The following ZNF726 variants were observed in gnomAD, a reference collection of about 807,000 sequenced individuals.
ZNF726 encodes zinc finger protein 92 pseudogene 3.
In ZNF726, 15 loss-of-function variants were observed where a neutral mutation model predicts 11.6. The observed-to-expected ratio is 1.29, with a 90% confidence interval of 0.86 to 1.99. The LOEUF (loss-of-function observed/expected upper bound fraction) is 1.99, where lower values mean the gene tolerates loss of function less well. Ranked by LOEUF, ZNF726 falls within the 30% of genes most tolerant of loss-of-function variation. ZNF726 has a pLI of 0.00. For synonymous variants in ZNF726, 295 were observed against 243.6 expected (o/e 1.21, Z -1.96); for missense variants, 890 against 725.6 (o/e 1.23, Z -2.60).
At chr19:23,929,300 G>A (rs10414778) in intron 3 of ZNF726, 8,281 of 151,874 alleles carry the variant, frequency 0.055, 470 homozygotes, top group African/African-American at 0.13. Flanking sequence ...TTGTGTATTC[G>A]TCTGTTTTTA....
intron 1 of ZNF726, chr19:23,919,169 C>A: frequency 2.9e-6 from 2 of 690,950 alleles, no homozygotes; most frequent in Non-Finnish European, 2.2e-6. Context: ...CACTGATGTT[C>A]TGGATATTAT....
chr19:23,922,157 C>G (rs1406446357), intron 3 of ZNF726, among the ~76,000 whole-genome samples: 1 of 152,146 alleles, frequency 6.6e-6, no homozygotes, highest in South Asian at 2.1e-4. Flanking sequence ...ATTTGTAATT[C>G]TCATTTAAAT....
In ZNF726 at chr19:23,924,597, T is replaced by C. The variant is rs2144972525; in HGVS notation, c.226+4515T>C. Among the ~76,000 whole-genome samples, 2 of 152,316 alleles carry C rather than the reference T, an allele frequency of 1.3e-5. 1 individual carries two copies. The highest frequency in any genetic ancestry group is 4.1e-4 in the South Asian group (2 of 4,826). ...CTTCTTAAATCCATTTAAATGTACA[T>C]GTCAGGGCGAGGCAATGTGGTGGAT... On this transcript the variant is annotated intron_variant, in intron 3 of 3. Coordinates refer to ENST00000594466, the MANE Select transcript of ZNF726 (RefSeq NM_001244038.2).
chr19:23,933,273 A>G lies in ZNF726; in HGVS notation c.1157A>G (p.Lys386Arg), dbSNP rs756021769. 1 of 1,607,830 alleles carries G rather than the reference A, an allele frequency of 6.2e-7. No individual in the cohort carries two copies. Among genetic ancestry groups the G allele is most frequent in the Non-Finnish European group, 8.5e-7 (1 of 1,178,588 alleles). Residue 386 changes from lysine (K) to arginine (R), a missense_variant, in exon 4 of 4, where the codon AAA becomes AGA. Transcript: ENST00000594466. ...KAFIWPSTLTKHKRIHTGEKP... is the reference protein window; with the variant it reads ...KAFIWPSTLTRHKRIHTGEKP... ...TTTATATGGCCCTCAACCCTAACTA[A>G]ACATAAGAGGATTCACACTGGAGAG... is the stretch of plus-strand genomic sequence containing the variant.
At chr19:23,929,729 C>T (rs917959948) in intron 3 of ZNF726, among the ~76,000 whole-genome samples, 5 of 152,074 alleles carry the variant, frequency 3.3e-5, no homozygotes, top group African/African-American at 9.6e-5. Context: ...GATTATACCT[C>T]TATATTTTTC....
In ZNF726 at chr19:23,915,086, C is replaced by A. The variant is rs560503664; in HGVS notation, c.3+89C>A. ...GGCAGTGGCGGGACTCAGGCCTCCT[C>A]GCTGTCAGTTTTACAATCTGCGCCC... On this transcript the variant is annotated intron_variant, in intron 1 of 3. Transcript: ENST00000594466. The A allele has an allele frequency of 1.1e-4, 173 of 1,593,132 alleles. 1 individual carries two copies. In the African/African-American group the frequency reaches 1.7e-3, roughly 16 times the overall value.
Position 23,940,749 on chromosome 19 carries a change from C to T in ZNF726, c.227-2745C>T, listed in dbSNP as rs940596142. Among the ~76,000 whole-genome samples the T allele has an allele frequency of 2.6e-5, 4 of 151,962 alleles. No individual in the cohort carries two copies. The East Asian group carries it at 7.7e-4, about 29-fold the overall frequency. ...TCCTAAGTATTTTATTTTTATTCAG[C>T]TATTGTAAAAGGGGTTGAGTTCCTG... On this transcript the variant is annotated intron_variant, in intron 3 of 4. Transcript: ENST00000334589.
chr19:23,934,751 T>G (rs911850478), downstream of ZNF726, among the ~76,000 whole-genome samples: 2 of 152,306 alleles, frequency 1.3e-5, no homozygotes. Flanking sequence ...TTTTCCTTTT[T>G]CTGCAATGTG....
intron 3 of ZNF726, among the ~76,000 whole-genome samples, chr19:23,943,025 G>T (rs1568384766): frequency 6.6e-6 from 1 of 151,848 alleles, no homozygotes; most frequent in Non-Finnish European, 1.5e-5. Flanking sequence ...TTTTTTTTGG[G>T]GAGGGAAGGT....
At chr19:23,923,050 C>T (rs1467223239) in intron 3 of ZNF726, among the ~76,000 whole-genome samples, 3 of 151,696 alleles carry the variant, frequency 2.0e-5, no homozygotes, top group African/African-American at 7.3e-5. Flanking sequence ...ACATGTTGTT[C>T]CTGAATTAAA....
Position 23,919,364 on chromosome 19 carries a change from A to C in ZNF726, c.4-9A>C. 5 of 1,602,452 alleles carry C rather than the reference A, an allele frequency of 3.1e-6. No individual in the cohort carries two copies. Among genetic ancestry groups the C allele is most frequent in the Non-Finnish European group, 4.3e-6 (5 of 1,173,028 alleles). On this transcript the variant is annotated splice_polypyrimidine_tract_variant and intron_variant, in intron 1 of 3. Transcript: ENST00000594466. Reference sequence around the variant, plus strand: ...TTTGTAAATATGTGTGTTTGTGTGTATTTTCCAGGGACTGTTGACATTTAG... The same window carrying C: ...TTTGTAAATATGTGTGTTTGTGTGTCTTTTCCAGGGACTGTTGACATTTAG...
chr19:23,924,308 C>T (rs1373798637), intron 3 of ZNF726, among the ~76,000 whole-genome samples: 4 of 151,950 alleles, frequency 2.6e-5, no homozygotes, highest in Non-Finnish European at 5.9e-5. Flanking sequence ...CCCACCTTGG[C>T]CTCTGAAAGT....
intron 3 of ZNF726, chr19:23,943,473 T>C (rs757826820): frequency 1.4e-5 from 8 of 588,776 alleles, no homozygotes. Context: ...CAAGTCATAT[T>C]ACTTTTTTCT....
chr19:23,928,589 G>T (rs965158253), intron 3 of ZNF726: 1 of 152,008 alleles, frequency 6.6e-6, no homozygotes, highest in Admixed American at 6.6e-5. Context: ...ACCAATGTTT[G>T]TCTCACGTTA....
intron 3 of ZNF726, among the ~76,000 whole-genome samples, chr19:23,930,835 A>G (rs965573207): frequency 6.6e-6 from 1 of 152,228 alleles, no homozygotes; most frequent in African/African-American, 2.4e-5. Context: ...AAAAAACACG[A>G]CAAAATTTAC....
intron 3 of ZNF726, among the ~76,000 whole-genome samples, chr19:23,926,272 C>T (rs184220250): frequency 2.0e-4 from 31 of 151,896 alleles, no homozygotes; most frequent in African/African-American, 5.8e-4. Context: ...AGAAGTTATC[C>T]GGTCGGGTGC....
Position 23,934,452 on chromosome 19 carries a change from A to T in ZNF726, c.*485A>T. On this transcript the variant is annotated 3_prime_UTR_variant, in exon 4 of 4. Coordinates refer to ENST00000594466, the MANE Select transcript of ZNF726 (RefSeq NM_001244038.2). ...ATCCTGAGTAACCATAAGATAATTCAAACTGGAAAGAAACCCTGCAAGTCT... is the reference window on the plus strand; with the variant it reads ...ATCCTGAGTAACCATAAGATAATTCTAACTGGAAAGAAACCCTGCAAGTCT... 1 of 407,010 alleles carries T rather than the reference A, an allele frequency of 2.5e-6. No individual in the cohort carries two copies. The allele number at this position is 407,010 out of a possible 1,614,324, so 25.2% of individuals were successfully genotyped here. A position where few individuals can be genotyped will look rare whatever the true frequency, so the allele number is the denominator to read the frequency against.
intron 1 of ZNF726, among the ~76,000 whole-genome samples, chr19:23,918,534 TGG>T (rs759187349): frequency 1.3e-5 from 2 of 152,190 alleles, no homozygotes; most frequent in African/African-American, 4.8e-5. Flanking sequence ...TTTGCTTTAG[TGG>T]GGGTAATACC....
At position 23,933,407 on chromosome 19, in the gene ZNF726, G is replaced by A. The variant is rs910845374; in HGVS notation, c.1291G>A (p.Gly431Ser). ...GEKPYKCEECGKAFIWSSNLT... is the reference protein window; with the variant it reads ...GEKPYKCEECSKAFIWSSNLT... ...GAAACCTTACAAGTGTGAAGAATGCGGCAAAGCGTTTATATGGTCCTCAAA... is the reference window on the plus strand; with the variant it reads ...GAAACCTTACAAGTGTGAAGAATGCAGCAAAGCGTTTATATGGTCCTCAAA... Residue 431 changes from glycine (G) to serine (S), a missense_variant, in exon 4 of 4, where the codon GGC becomes AGC. Physicochemically the swap from Gly to Ser is moderately conservative, Grantham distance 56 (BLOSUM62 0). Transcript: ENST00000594466. 15 of 1,612,282 alleles carry A rather than the reference G, an allele frequency of 9.3e-6. No homozygotes were observed. In the Admixed American group the frequency reaches 1.0e-4, roughly 11 times the overall value.
Sources: gnomAD v4.1 joint callset for allele counts (sites outside exome capture counted in the v4.1 genomes callset) on GRCh38, gnomAD v4.1.1 for gene constraint, MANE v1.5 for transcripts, NCBI Gene and HGNC (gene_info 2026-07-23, HGNC 2026-07-21) for gene names.